Variants in KIFC2 observed in about 807,000 individuals in gnomAD.
The protein encoded by KIFC2 is kinesin family member C2, also known as kinesin-like protein KIFC2.
KIFC2 carries 94 observed loss-of-function variants against 91.5 expected under a neutral mutation model. The observed-to-expected ratio is 1.03, with a 90% confidence interval of 0.87 to 1.22. The LOEUF is 1.22. Ranked by LOEUF, KIFC2 falls within the 50% of genes most tolerant of loss-of-function variation. KIFC2 has a pLI of 0.00. For missense variants in KIFC2, 1,357 were observed against 1,103.3 expected (o/e 1.23, Z -3.26); for synonymous variants, 729 against 503.9 (o/e 1.45, Z -5.98).
intron 1 of KIFC2, 21 bp from the exon 2 acceptor site, chr8:144,466,739 G>T (rs1488618468): frequency 1.3e-6 from 2 of 1,509,232 alleles, no homozygotes; most frequent in African/African-American, 1.4e-5. Context: ...CTCCTCAGGG[G>T]CGCCCCTGCC....
intron 1 of KIFC2, 101 bp from the exon 2 acceptor site, chr8:144,466,659 A>C: frequency 9.3e-7 from 1 of 1,072,940 alleles, no homozygotes; most frequent in Non-Finnish European, 1.3e-6. Flanking sequence ...CGATGCTGGA[A>C]GCGTAGACTT....
chr8:144,469,089 C>T (rs568766771), intron 10 of KIFC2, among the ~76,000 whole-genome samples, 182 bp from the exon 11 acceptor site: 2 of 152,230 alleles, frequency 1.3e-5, no homozygotes, highest in Non-Finnish European at 2.9e-5. Flanking sequence ...GCCTGTCATT[C>T]CTGGGCTTTA....
In KIFC2 at chr8:144,467,540, A is replaced by C; in HGVS notation, c.525A>C (p.Pro175=). ...PSHFTAVPGE[P]LGDETQGQQP... ...ACTTCACCGCAGTCCCAGGCGAGCC[A>C]CTGGGGGATGAGACCCAGGGACAGC... The change falls in exon 5 of 18, where the codon CCA becomes CCC. Residue 175 remains proline (P), a synonymous_variant. Coordinates refer to ENST00000645548, the MANE Select transcript of KIFC2 (RefSeq NM_001369769.2). 2 of 1,603,776 alleles carry C rather than the reference A, an allele frequency of 1.2e-6. No individual in the cohort carries two copies. Among genetic ancestry groups the C allele is most frequent in the Non-Finnish European group, 1.7e-6 (2 of 1,175,728 alleles).
In KIFC2 at chr8:144,469,578, C is replaced by G; in HGVS notation, c.1311C>G (p.Thr437=). The change falls in exon 12 of 18, where the codon ACC becomes ACG. Residue 437 remains threonine (T), a synonymous_variant. Transcript: ENST00000645548. Reference sequence around the variant, plus strand: ...CTGGCCCAGGGGGCACCGTCACCACCTGCTACCGGGGGCGCCATCGTCGAT... The same window carrying G: ...CTGGCCCAGGGGGCACCGTCACCACGTGCTACCGGGGGCGCCATCGTCGAT... The part of the protein sequence containing the change: ...VEPGPGGTVT[T]CYRGRHRRFR... 6.2e-7 allele frequency: 1 copy of G among 1,613,358 alleles called. No homozygotes were observed. The highest frequency in any genetic ancestry group is 2.2e-5 in the East Asian group (1 of 44,892).
chr8:144,473,759 T>G lies in KIFC2; in HGVS notation c.*370T>G. The G allele has an allele frequency of 2.6e-6, 1 of 383,812 alleles. No individual in the cohort carries two copies. Among genetic ancestry groups the G allele is most frequent in the Admixed American group, 4.3e-5 (1 of 23,262 alleles). The allele number at this position is 383,812 out of a possible 1,614,324, so 23.8% of individuals were successfully genotyped here. A position where few individuals can be genotyped will look rare whatever the true frequency, so the allele number is the denominator to read the frequency against. On this transcript the variant is annotated 3_prime_UTR_variant, in exon 18 of 18. Transcript: ENST00000645548. ...AAAACGTTGCAAATTCCTTTACTGT[T>G]ATCCCCCCCACCACCAGGACCATGT...
intron 5 of KIFC2, 34 bp downstream of exon 5, chr8:144,467,664 T>C (rs577523736): frequency 6.2e-7 from 1 of 1,606,722 alleles, no homozygotes; most frequent in African/African-American, 1.3e-5. Context: ...GATTGCCGGC[T>C]GGGACGCCAG....
At chr8:144,470,386 G>A (rs953641857) in intron 12 of KIFC2, among the ~76,000 whole-genome samples, 13 of 152,250 alleles carry the variant, frequency 8.5e-5, no homozygotes, top group Admixed American at 6.5e-5. Context: ...AGCCGTCCTG[G>A]ACAGGGTCCT....
chr8:144,467,350 A>G lies in KIFC2; in HGVS notation c.469+9A>G. ...GCCCCCCTCTCCAGATGGTGAGTAAAGGACAGTAAGTTGAAGAAGAACTCT... is the reference window on the plus strand; with the variant it reads ...GCCCCCCTCTCCAGATGGTGAGTAAGGGACAGTAAGTTGAAGAAGAACTCT... On this transcript the variant is annotated intron_variant, in intron 4 of 17. Transcript: ENST00000645548. The G allele has an allele frequency of 1.3e-6, 2 of 1,589,330 alleles. No individual in the cohort carries two copies. The highest frequency in any genetic ancestry group is 8.6e-7 in the Non-Finnish European group (1 of 1,168,882).
At position 144,473,487 on chromosome 8, in the gene KIFC2, C is replaced by G. The variant is rs532459382; in HGVS notation, c.*98C>G. 7.0e-7 allele frequency: 1 copy of G among 1,436,262 alleles called. No individual in the cohort carries two copies. Among genetic ancestry groups the G allele is most frequent in the African/African-American group, 1.4e-5 (1 of 69,196 alleles). The allele number at this position is 1,436,262 out of a possible 1,614,324, so 89.0% of individuals were successfully genotyped here. A position where few individuals can be genotyped will look rare whatever the true frequency, so the allele number is the denominator to read the frequency against. On this transcript the variant is annotated 3_prime_UTR_variant, in exon 18 of 18. Transcript: ENST00000645548. ...TACCCCGTCTCCCAGGGCACAAGCT[C>G]CCTAGCCTCTTTGGATCCATTGCCC... is the stretch of plus-strand genomic sequence containing the variant.
chr8:144,468,918 C>T (rs938746979), intron 10 of KIFC2, 84 bp downstream of exon 10: 19 of 1,163,522 alleles, frequency 1.6e-5, no homozygotes, highest in African/African-American at 3.0e-5. Context: ...GGGGAGTTGG[C>T]TGTACTAATA....
Position 144,469,650 on chromosome 8 carries a change from G to T in KIFC2, c.1380+3G>T, listed in dbSNP as rs1376119384. The stretch of plus-strand genomic sequence containing the variant: ...CTCCAGACGCCAGCCAGGAGGAGGT[G>T]ACAGCCTGCCTTTGCAGCCATCCTG... On this transcript the variant is annotated splice_donor_region_variant and intron_variant, in intron 12 of 17. Coordinates refer to ENST00000645548, the MANE Select transcript of KIFC2 (RefSeq NM_001369769.2). 6.3e-7 allele frequency: 1 copy of T among 1,590,278 alleles called. No homozygotes were observed. The highest frequency in any genetic ancestry group is 8.6e-7 in the Non-Finnish European group (1 of 1,169,588).
intron 7 of KIFC2, 79 bp downstream of exon 7, chr8:144,468,066 C>T (rs542702485): frequency 2.3e-5 from 33 of 1,447,658 alleles, no homozygotes; most frequent in Middle Eastern, 2.4e-4. Context: ...GGGCCCGAGC[C>T]TCCTCAGGAC....
rs1292646110 is a variant in KIFC2, at chr8:144,466,995, C to T, written c.215C>T (p.Ala72Val). ...SEPEDGSEGAAEGRAAAVSLE... is the reference protein window; with the variant it reads ...SEPEDGSEGAVEGRAAAVSLE... The stretch of plus-strand genomic sequence containing the variant: ...CCTGAGGATGGGTCGGAAGGCGCAG[C>T]CGAGGGCCGCGCGGCCGCGGTGTCC... The change falls in exon 3 of 18, where the codon GCC becomes GTC. Residue 72 changes from alanine to valine, a missense_variant. Coordinates refer to ENST00000645548, the MANE Select transcript of KIFC2 (RefSeq NM_001369769.2). 6.3e-7 allele frequency: 1 copy of T among 1,597,136 alleles called. No homozygotes were observed. Among genetic ancestry groups the T allele is most frequent in the Admixed American group, 1.7e-5 (1 of 59,116 alleles).
At chr8:144,471,607 T>C (rs1422900316) in intron 12 of KIFC2, among the ~76,000 whole-genome samples, 2 of 152,180 alleles carry the variant, frequency 1.3e-5, no homozygotes, top group Non-Finnish European at 2.9e-5. Flanking sequence ...TTTTTCACGT[T>C]GGCTTCCACA....
chr8:144,473,472 C>T lies in KIFC2; in HGVS notation c.*83C>T. The T allele has an allele frequency of 1.4e-6, 2 of 1,459,746 alleles. No individual in the cohort carries two copies. Among genetic ancestry groups the T allele is most frequent in the African/African-American group, 1.4e-5 (1 of 70,284 alleles). 90.4% of individuals were successfully genotyped at this position (1,459,746 alleles called of 1,614,324 possible). ...GTAGTAAAGTCCCTGTACCCCGTCT[C>T]CCAGGGCACAAGCTCCCTAGCCTCT... On this transcript the variant is annotated 3_prime_UTR_variant, in exon 18 of 18. Coordinates refer to ENST00000645548, the MANE Select transcript of KIFC2 (RefSeq NM_001369769.2).
In KIFC2 at chr8:144,473,359, T is replaced by G; in HGVS notation, c.2346T>G (p.Ala782=). ...GTCCCGACAACGGCTCGGGCTCGGC[T>G]CTCGCGCCCGCAGAGGGCCTGCCCC... ...CPSPDNGSGS[A]LAPAEGLPL is the part of the protein sequence containing the mutation. Residue 782 remains alanine (A), a synonymous_variant, in exon 18 of 18, where the codon GCT becomes GCG. Coordinates refer to ENST00000645548, the MANE Select transcript of KIFC2 (RefSeq NM_001369769.2). The G allele has an allele frequency of 6.3e-7, 1 of 1,580,126 alleles. No individual in the cohort carries two copies. Among genetic ancestry groups the G allele is most frequent in the Non-Finnish European group, 8.6e-7 (1 of 1,166,856 alleles).
In KIFC2 at chr8:144,472,494, C is replaced by T; in HGVS notation, c.1731+10C>T. On this transcript the variant is annotated intron_variant, in intron 15 of 17. Transcript: ENST00000645548. ...GGAGACATTGCACCAGGTAGGGCTG[C>T]ACCGCTCTCCGAGACCCCGCCCCGT... The T allele has an allele frequency of 1.2e-6, 2 of 1,611,322 alleles. No individual in the cohort carries two copies. Among genetic ancestry groups the T allele is most frequent in the Non-Finnish European group, 1.7e-6 (2 of 1,179,128 alleles).
intron 8 of KIFC2, 35 bp from the exon 9 acceptor site, chr8:144,468,501 T>G (rs1222141605): frequency 8.1e-7 from 1 of 1,241,534 alleles, no homozygotes; most frequent in Non-Finnish European, 1.1e-6. Context: ...AAGTGCCTGT[T>G]TCCTCAGTGA....
chr8:144,466,443 C>A lies in KIFC2; in HGVS notation c.24C>A (p.Leu8=). ...CCATGTACGCCTTTTACTCGTTGCT[C>A]ATCTACATCTTCTACAGCCTCTTCC... The part of the protein sequence containing the change: MYAFYSL[L]IYIFYSLFRR... Residue 8 remains leucine (L), a synonymous_variant, in exon 1 of 18, where the codon CTC becomes CTA. Transcript: ENST00000645548. 1 of 1,363,406 alleles carries A rather than the reference C, an allele frequency of 7.3e-7. No individual in the cohort carries two copies. Among genetic ancestry groups the A allele is most frequent in the Non-Finnish European group, 9.6e-7 (1 of 1,044,894 alleles). The allele number at this position is 1,363,406 out of a possible 1,614,324, so 84.5% of individuals were successfully genotyped here.
Sources: allele counts gnomAD v4.1 joint callset (sites outside exome capture counted in the v4.1 genomes callset), GRCh38; gene constraint gnomAD v4.1.1; transcripts MANE v1.5; gene names NCBI Gene and HGNC (gene_info 2026-07-23, HGNC 2026-07-21).